Variants in KMT2D observed in about 807,000 individuals in gnomAD.
KMT2D encodes the protein lysine methyltransferase 2D, also known as histone-lysine N-methyltransferase 2D.
In KMT2D, 55 loss-of-function variants were observed where a neutral mutation model predicts 512.7. That is an observed-to-expected ratio of 0.11 (90% CI 0.09 to 0.13). KMT2D has a LOEUF of 0.13. Among genes scored for constraint, KMT2D ranks in the 10% least tolerant of loss-of-function variants. The pLI is 1.00. For missense variants in KMT2D, 6,061 were observed against 7,127.9 expected (o/e 0.85, Z 5.39); for synonymous variants, 2,995 against 2,904.0 (o/e 1.03, Z -1.01).
rs1942760966 is a variant in KMT2D at position 49,029,180 on chromosome 12, G to A, written c.14132C>T (p.Pro4711Leu). Residue 4711 changes from proline (P) to leucine (L), a missense_variant, in exon 45 of 55, where the codon CCT (proline) becomes CTT (leucine). Transcript: ENST00000301067. ...GGCCTCCTCCCCCAAGATGCTCTCA[G>A]GGGATGAAGCTGGCACAATGCTGTC... ...SPDSIVPASS[P>L]ESILGEEAPR... 1 of 1,613,948 alleles carries A rather than the reference G, an allele frequency of 6.2e-7. No individual in the cohort carries two copies. Among genetic ancestry groups the A allele is most frequent in the Non-Finnish European group, 8.5e-7 (1 of 1,179,834 alleles).
At position 49,049,716 on chromosome 12, in the gene KMT2D, C is replaced by T. The variant is rs369794887; in HGVS notation, c.3872G>A (p.Arg1291Gln). The part of the protein sequence containing the change: ...GGKAEGEKGR[R>Q]RSSPARSRIK... ...GCGGGAACGGGCTGGGGAGCTGCGC[C>T]GCCGCCCCTTCTCCCCCTCAGCTTT... Residue 1291 changes from arginine to glutamine, a missense_variant, in exon 12 of 55, where the codon CGG (arginine) becomes CAG (glutamine). By Grantham distance (43) the Arg-to-Gln change is conservative. Around this residue, in one of 16 missense-constraint regions of KMT2D, gnomAD observed 447 missense variants for 500.1 expected, o/e 0.89. Transcript: ENST00000301067. 15 of 1,600,892 alleles carry T rather than the reference C, an allele frequency of 9.4e-6. No individual in the cohort carries two copies. The highest frequency in any genetic ancestry group is 1.7e-4 in the Middle Eastern group (1 of 6,026).
intron 15 of KMT2D, among the ~76,000 whole-genome samples, chr12:49,047,031 A>C (rs2120615189): frequency 6.6e-6 from 1 of 152,074 alleles, no homozygotes; most frequent in South Asian, 2.1e-4. Flanking sequence ...TATTTAGTAG[A>C]GTCAGAGTTT....
At chr12:49,043,259 T>A (rs898802368) in intron 25 of KMT2D, 73 bp from the exon 26 acceptor site, 3 of 1,550,152 alleles carry the variant, frequency 1.9e-6, no homozygotes, top group Admixed American at 1.7e-5. Context: ...CAGAGGGCCA[T>A]GGGACAGTTT....
At chr12:49,048,158 G>T in intron 14 of KMT2D, 89 bp from the exon 15 acceptor site, 1 of 865,014 alleles carries the variant, frequency 1.2e-6, no homozygotes, top group Non-Finnish European at 1.8e-6. Context: ...ACACTGATTT[G>T]CGACCAGAGT....
rs2137710420 is a variant in KMT2D at position 49,024,544 on chromosome 12, C to T, written c.16052+34G>A. 6.3e-7 allele frequency: 1 copy of T among 1,583,548 alleles called. No individual in the cohort carries two copies. The highest frequency in any genetic ancestry group is 8.6e-7 in the Non-Finnish European group (1 of 1,161,962). On this transcript the variant is annotated intron_variant, in intron 51 of 54. Transcript: ENST00000301067. The surrounding 1 kb of genome is among the most constrained non-coding windows in gnomAD (Gnocchi z 4.5). Reference sequence around the variant, plus strand: ...CAGAGGATCCCTGTCAACACCCACACCCACATCCCTTGGCTCCAGCATCAC... The same window carrying T: ...CAGAGGATCCCTGTCAACACCCACATCCACATCCCTTGGCTCCAGCATCAC...
At position 49,047,999 on chromosome 12, in the gene KMT2D, G is replaced by C. The variant is rs1214991700; in HGVS notation, c.4202C>G (p.Ser1401Cys). 1 of 1,613,550 alleles carries C rather than the reference G, an allele frequency of 6.2e-7. No individual in the cohort carries two copies. The highest frequency in any genetic ancestry group is 8.5e-7 in the Non-Finnish European group (1 of 1,179,484). The change falls in exon 15 of 55, where the codon TCT (serine) becomes TGT (cysteine). Residue 1401 changes from serine (S) to cysteine (C), a missense_variant. Coordinates refer to ENST00000301067, the MANE Select transcript of KMT2D (RefSeq NM_003482.4). ...EGHLLACSQC[S>C]QCYHPYCVNS... ...GACACAGTAAGGGTGATAGCACTGA[G>C]AGCACTGCGAACAGGCAAGGAGGTG...
At position 49,040,087 on chromosome 12, in the gene KMT2D, C is replaced by G. The variant is rs2120521990; in HGVS notation, c.7683G>C (p.Gly2561=). ...VPQPGLPPPH[G]INSHFGPGPT... The stretch of plus-strand genomic sequence containing the variant: ...GGCCGGGCCCAAAATGGCTGTTGAT[C>G]CCATGGGGTGGCGGGAGACCAGGCT... Residue 2561 remains glycine, a synonymous_variant, in exon 32 of 55, where the codon GGG becomes GGC. Coordinates refer to ENST00000301067, the MANE Select transcript of KMT2D (RefSeq NM_003482.4). 1 of 1,613,906 alleles carries G rather than the reference C, an allele frequency of 6.2e-7. No individual in the cohort carries two copies. The highest frequency in any genetic ancestry group is 8.5e-7 in the Non-Finnish European group (1 of 1,179,852).
chr12:49,025,045 A>G (rs2137712659), intron 49 of KMT2D, 99 bp from the exon 50 acceptor site: 1 of 1,338,234 alleles, frequency 7.5e-7, no homozygotes, highest in Non-Finnish European at 1.0e-6. Context: ...TGAGGCCTTC[A>G]AGCCTCCCTA....
rs1449639406 is a variant in KMT2D, at chr12:49,055,337, C to A, written c.-13G>T. 1.2e-6 allele frequency: 2 copies of A among 1,613,470 alleles called. No homozygotes were observed. Among genetic ancestry groups the A allele is most frequent in the Non-Finnish European group, 1.7e-6 (2 of 1,179,522 alleles). ...TCTGGCTGTCCATCCCTCTCTCCGA[C>A]TGGGCAGGGCCCTCTCGGGGAGACC... On this transcript the variant is annotated 5_prime_UTR_variant, in exon 2 of 55. Coordinates refer to ENST00000301067, the MANE Select transcript of KMT2D (RefSeq NM_003482.4).
chr12:49,046,862 G>A lies in KMT2D; in HGVS notation c.4237-72C>T, dbSNP rs1943811184. On this transcript the variant is annotated intron_variant, in intron 15 of 54. Transcript: ENST00000301067. This position sits in a 1 kb window ranked among gnomAD's most constrained non-coding sequence, Gnocchi z 4.2. ...GTAGAACTTCTTTTTATTTTTTTTT[G>A]GAGATGGAGTTTTGCTCTTGTTCCC... is the stretch of plus-strand genomic sequence containing the variant. 7 of 1,394,902 alleles carry A rather than the reference G, an allele frequency of 5.0e-6. No individual in the cohort carries two copies. The highest frequency in any genetic ancestry group is 1.4e-5 in the African/African-American group (1 of 69,062). The allele number at this position is 1,394,902 out of a possible 1,614,324, so 86.4% of individuals were successfully genotyped here.
rs776324503 is a variant in KMT2D, at chr12:49,041,476, G to A, written c.6294C>T (p.Asp2098=). Residue 2098 remains aspartate (D), a synonymous_variant, in exon 32 of 55, where the codon GAC becomes GAT. Coordinates refer to ENST00000301067, the MANE Select transcript of KMT2D (RefSeq NM_003482.4). This position sits in a 1 kb window ranked among gnomAD's most constrained non-coding sequence, Gnocchi z 5.4. ...GAATGCGGAGATGTAGGGCCGGTCG[G>A]TCAGTCTTACGGGCTATGTCGCCCA... is the stretch of plus-strand genomic sequence containing the variant. ...TKVGDIARKT[D]RPALHLRIPP... 1.9e-6 allele frequency: 3 copies of A among 1,613,550 alleles called. No individual in the cohort carries two copies. Among genetic ancestry groups the A allele is most frequent in the Non-Finnish European group, 1.7e-6 (2 of 1,179,636 alleles).
Position 49,040,189 on chromosome 12 carries a change from A to G in KMT2D, c.7581T>C (p.Phe2527=), listed in dbSNP as rs747603412. The G allele has an allele frequency of 1.5e-5, 24 of 1,613,608 alleles. No individual in the cohort carries two copies. The East Asian group carries it at 1.8e-4, about 12-fold the overall frequency. The change falls in exon 32 of 55, where the codon TTT becomes TTC. Residue 2527 remains phenylalanine, a synonymous_variant. Coordinates refer to ENST00000301067, the MANE Select transcript of KMT2D (RefSeq NM_003482.4). ...AACGCATGGGAGAGGGGGTGCCCAC[A>G]AATGCACCCGTCCCAGGGGACCGGA... is the stretch of plus-strand genomic sequence containing the variant. ...NFVRSPGTGA[F]VGTPSPMRFT...
chr12:49,040,241 A>G lies in KMT2D; in HGVS notation c.7529T>C (p.Val2510Ala), dbSNP rs1943442776. 6.2e-7 allele frequency: 1 copy of G among 1,612,744 alleles called. No individual in the cohort carries two copies. ...AAAATTGGGGGGCTGCCCACTTGGG[A>G]CCTTGGCATGGAGCTCACCTGCTGG... ...AGPAGELHAK[V>A]PSGQPPNFVR... Residue 2510 changes from valine (V) to alanine (A), a missense_variant, in exon 32 of 55, where the codon GTC (valine) becomes GCC (alanine). Val to Ala is a moderately conservative substitution (Grantham distance 64). This residue lies in a region of KMT2D where 710 missense variants were observed against 647.3 expected (regional missense o/e 1.10). Transcript: ENST00000301067.
rs1356221709 is a variant in KMT2D at position 49,031,393 on chromosome 12, C to T, written c.13312G>A (p.Glu4438Lys). 6.2e-7 allele frequency: 1 copy of T among 1,613,496 alleles called. No individual in the cohort carries two copies. Among genetic ancestry groups the T allele is most frequent in the African/African-American group, 1.3e-5 (1 of 74,924 alleles). Residue 4438 changes from glutamate to lysine, a missense_variant, in exon 40 of 55, where the codon GAG (glutamate) becomes AAG (lysine). Glu to Lys is a moderately conservative substitution (Grantham distance 56). Coordinates refer to ENST00000301067, the MANE Select transcript of KMT2D (RefSeq NM_003482.4). ...AQSVKREANGEPIGAPGTSNH... is the reference protein window; with the variant it reads ...AQSVKREANGKPIGAPGTSNH... ...CTGGTTCCTGGTGCCCCTATTGGCT[C>T]CCCATTGGCCTCCCTCTTCACTGAC...
chr12:49,039,810 T>C lies in KMT2D; in HGVS notation c.7960A>G (p.Ser2654Gly), dbSNP rs1282649582. 3 of 1,614,000 alleles carry C rather than the reference T, an allele frequency of 1.9e-6. No homozygotes were observed. Among genetic ancestry groups the C allele is most frequent in the Non-Finnish European group, 1.7e-6 (2 of 1,179,890 alleles). Residue 2654 changes from serine to glycine, a missense_variant, in exon 32 of 55, where the codon AGC (serine) becomes GGC (glycine). By Grantham distance (56) the Ser-to-Gly change is moderately conservative. Transcript: ENST00000301067. The surrounding 1 kb of genome is among the most constrained non-coding windows in gnomAD (Gnocchi z 5.0). ...GGGAGTTCAGCTGTCGCCAAAGAGC[T>C]ACCCATTCCAGTCCCTGGGTCTTCT... ...KREDPGTGMG[S>G]SLATAELPGT...
At chr12:49,049,423 G>A (rs1423434880) in intron 12 of KMT2D, among the ~76,000 whole-genome samples, 1 of 152,232 alleles carries the variant, frequency 6.6e-6, no homozygotes, top group African/African-American at 2.4e-5. Context: ...CCTCCCAAGA[G>A]TGGTTGAGAT....
Position 49,052,043 on chromosome 12 carries a change from G to A in KMT2D, c.1640C>T (p.Pro547Leu), listed in dbSNP as rs761207069. 13 of 1,613,534 alleles carry A rather than the reference G, an allele frequency of 8.1e-6. No homozygotes were observed. In the East Asian group the frequency reaches 1.3e-4, roughly 17 times the overall value. The change falls in exon 11 of 55, where the codon CCA becomes CTA. Residue 547 changes from proline to leucine, a missense_variant. By Grantham distance (98) the Pro-to-Leu change is moderately conservative (BLOSUM62 -3). Coordinates refer to ENST00000301067, the MANE Select transcript of KMT2D (RefSeq NM_003482.4). ...SPPPEASPLS[P>L]PFEESPLSPP... ...GGACAAAGGAGATTCTTCAAATGGT[G>A]GGGACAGGGGCGATGCTTCAGGTGG...
chr12:49,030,301 C>G lies in KMT2D; in HGVS notation c.13978G>C (p.Asp4660His), dbSNP rs746244770. ...EHPKDAASAR[D>H]SERALRDTSE... ...TTACCCCTCAGTGCCCTTTCACTAT[C>G]CCGGGCAGAGGCAGCATCCTTGGGG... Residue 4660 changes from aspartate to histidine, a missense_variant, in exon 43 of 55, where the codon GAT becomes CAT. By Grantham distance (81) the Asp-to-His change is moderately conservative. This residue lies in a region of KMT2D where 1,600 missense variants were observed against 1,754.9 expected (regional missense o/e 0.91). Coordinates refer to ENST00000301067, the MANE Select transcript of KMT2D (RefSeq NM_003482.4). 2.5e-6 allele frequency: 4 copies of G among 1,602,678 alleles called. No homozygotes were observed. Among genetic ancestry groups the G allele is most frequent in the Non-Finnish European group, 3.4e-6 (4 of 1,174,518 alleles).
In KMT2D at chr12:49,042,337, C is replaced by T. The variant is rs1349381637; in HGVS notation, c.5868-7G>A. Reference sequence around the variant, plus strand: ...AAAGAAGCCCCCGCGCTCCCTGGGGCGCAGGGGCAGAGAGTCACAGGGCGC... The same window carrying T: ...AAAGAAGCCCCCGCGCTCCCTGGGGTGCAGGGGCAGAGAGTCACAGGGCGC... On this transcript the variant is annotated splice_polypyrimidine_tract_variant and splice_region_variant and intron_variant, in intron 28 of 54. Transcript: ENST00000301067. This position sits in a 1 kb window ranked among gnomAD's most constrained non-coding sequence, Gnocchi z 4.4. The T allele has an allele frequency of 7.9e-6, 12 of 1,519,370 alleles. No individual in the cohort carries two copies. Among genetic ancestry groups the T allele is most frequent in the Non-Finnish European group, 1.1e-5 (12 of 1,133,018 alleles). 94.1% of individuals were successfully genotyped at this position (1,519,370 alleles called of 1,614,324 possible).
Sources: gnomAD v4.1 joint callset for allele counts (sites outside exome capture counted in the v4.1 genomes callset) on GRCh38, gnomAD v4.1.1 for gene constraint, gnomAD v4.1.1 regional missense constraint, Gnocchi (gnomAD v3.1) non-coding constraint, MANE v1.5 for transcripts, NCBI Gene and HGNC (gene_info 2026-07-23, HGNC 2026-07-21) for gene names.